TTN: variants seen among roughly 807,000 people sequenced by gnomAD.
TTN encodes connectin.
TTN carries 1,525 observed loss-of-function variants against 3,223.0 expected under a neutral mutation model. The ratio of observed to expected loss-of-function variants is 0.47; its 90% confidence interval spans 0.45 to 0.49. The LOEUF is 0.49. TTN is among the 20% of genes least tolerant of loss of function. The probability of loss-of-function intolerance (pLI) is 0.00; values close to 1 mark genes in which losing one functional copy is unlikely to be tolerated. For missense variants in TTN, 40,786 were observed against 43,424.0 expected, an observed-to-expected ratio of 0.94 and a Z score of 5.40; for synonymous variants, 14,094 against 15,161.0, an observed-to-expected ratio of 0.93 and a Z score of 5.17.
In TTN at chr2:178,577,099, T is replaced by G; in HGVS notation, c.69236A>C (p.Lys23079Thr). 1 of 1,613,344 alleles carries G rather than the reference T, an allele frequency of 6.2e-7. No individual in the cohort carries two copies. Among genetic ancestry groups the G allele is most frequent in the Non-Finnish European group, 8.5e-7 (1 of 1,179,558 alleles). Residue 23079 changes from lysine (K) to threonine (T), a missense_variant, in exon 324 of 363, where the codon AAG becomes ACG. Transcript: ENST00000589042. ...GSPIKSYILE[K>T]RETSRLLWTV... ...CCACAAAAGTCGGCTGGTTTCTCTC[T>G]TTTCAAGTATATAGGACTTAATTGG...
In TTN at chr2:178,578,184, C is replaced by A. The variant is rs1438305738; in HGVS notation, c.68331G>T (p.Gly22777=). 6.2e-7 allele frequency: 1 copy of A among 1,610,332 alleles called. No individual in the cohort carries two copies. Among genetic ancestry groups the A allele is most frequent in the South Asian group, 1.1e-5 (1 of 90,800 alleles). The change falls in exon 322 of 363, where the codon GGG becomes GGT. Residue 22777 remains glycine, a splice_region_variant and synonymous_variant. Transcript: ENST00000589042. Reference sequence around the variant, plus strand: ...TTCTTTCCTTGAACTCGAGATGATACCCTACAAAAGACCCAGGGATGTATC... The same window carrying A: ...TTCTTTCCTTGAACTCGAGATGATAACCTACAAAAGACCCAGGGATGTATC... ...PKKTGGSPIT[G]YHLEFKERNS...
In TTN at chr2:178,728,391, T is replaced by C. The variant is rs775984790; in HGVS notation, c.19433A>G (p.Asn6478Ser). Residue 6478 changes from asparagine (N) to serine (S), a missense_variant, in exon 67 of 363, where the codon AAT becomes AGT. Coordinates refer to ENST00000589042, the MANE Select transcript of TTN (RefSeq NM_001267550.2). ...CDAYLRVLDQ[N>S]IPPSFTKKLT... ...TTTTTTGGTGAATGATGGAGGAATA[T>C]TTTGATCTGTCCAATGCAAACAGCA... The C allele has an allele frequency of 1.8e-5, 29 of 1,599,310 alleles. No individual in the cohort carries two copies. In the South Asian group the frequency reaches 2.8e-4, roughly 16 times the overall value.
At chr2:178,806,994 C>A (rs1410085264) in intron 1 of TTN, among the ~76,000 whole-genome samples, 1 of 152,154 alleles carries the variant, frequency 6.6e-6, no homozygotes, top group Non-Finnish European at 1.5e-5. Flanking sequence ...ATCATGGAAT[C>A]ATTTAGCTGA....
chr2:178,679,870 C>T (rs777197446), intron 140 of TTN, 24 bp downstream of exon 140: 7 of 1,611,220 alleles, frequency 4.3e-6, no homozygotes, highest in Non-Finnish European at 5.9e-6. Context: ...TGTTGCACAG[C>T]CCTTTGCAGG....
chr2:178,783,447 T>C (rs1467165376), intron 17 of TTN, among the ~76,000 whole-genome samples: 2 of 152,328 alleles, frequency 1.3e-5, no homozygotes, highest in South Asian at 2.1e-4. Context: ...TTGGTCTTTA[T>C]GTCTGCACAG....
chr2:178,637,557 T>C lies in TTN; in HGVS notation c.40877-138A>G, dbSNP rs1576763586. The C allele has an allele frequency of 1.2e-5, 5 of 416,014 alleles. No homozygotes were observed. The East Asian group carries it at 1.9e-4, about 16-fold the overall frequency. The allele number at this position is 416,014 out of a possible 1,614,324, so 25.8% of individuals were successfully genotyped here. On this transcript the variant is annotated intron_variant, in intron 223 of 362. Transcript: ENST00000589042. ...AAATTGGTTTCATTTATATGACTTCTATGGATAATCACATTTCCAGGAAGG... is the reference window on the plus strand; with the variant it reads ...AAATTGGTTTCATTTATATGACTTCCATGGATAATCACATTTCCAGGAAGG...
rs1019848168 is a variant in TTN, at chr2:178,718,712, G to A, written c.24488C>T (p.Thr8163Ile). Residue 8163 changes from threonine to isoleucine, a missense_variant, in exon 84 of 363, where the codon ACA (threonine) becomes ATA (isoleucine). Coordinates refer to ENST00000589042, the MANE Select transcript of TTN (RefSeq NM_001267550.2). Reference sequence around the variant, plus strand: ...GAGCAAACCTTTCACAAAAAGATGTGTGGTACAGGAAGCACTGCCAGCATC... The same window carrying A: ...GAGCAAACCTTTCACAAAAAGATGTATGGTACAGGAAGCACTGCCAGCATC... Reference protein sequence around the residue: ...TNDAGSASCTTHLFVKEPATF... With the variant: ...TNDAGSASCTIHLFVKEPATF... The A allele has an allele frequency of 1.2e-6, 2 of 1,613,566 alleles. No homozygotes were observed. The highest frequency in any genetic ancestry group is 2.7e-5 in the African/African-American group (2 of 74,916).
intron 263 of TTN, 135 bp from the exon 264 acceptor site, chr2:178,613,411 A>G (rs1350659889): frequency 5.1e-6 from 4 of 782,770 alleles, no homozygotes; most frequent in East Asian, 2.8e-5. Flanking sequence ...AAGCACTTCA[A>G]TATAAATTAA....
In TTN at chr2:178,632,563, A is replaced by G. The variant is rs1435071530; in HGVS notation, c.43443T>C (p.Ala14481=). 3.7e-6 allele frequency: 6 copies of G among 1,613,266 alleles called. No homozygotes were observed. The highest frequency in any genetic ancestry group is 5.1e-6 in the Non-Finnish European group (6 of 1,179,572). The change falls in exon 235 of 363, where the codon GCT becomes GCC. Residue 14481 remains alanine (A), a synonymous_variant. Transcript: ENST00000589042. ...GTTTGCCACTTGTGTGCTTATCTTCAGCTTCAAACATGTATTTTGCTTCAT... is the reference window on the plus strand; with the variant it reads ...GTTTGCCACTTGTGTGCTTATCTTCGGCTTCAAACATGTATTTTGCTTCAT... ...FEDEAKYMFE[A]EDKHTSGKLI...
chr2:178,722,575 G>A (rs1244106343), intron 76 of TTN, 29 bp from the exon 77 acceptor site: 2 of 1,594,748 alleles, frequency 1.3e-6, no homozygotes, highest in East Asian at 2.2e-5. Context: ...TACTTAAGGT[G>A]TTAGGAGATG....
Position 178,534,999 on chromosome 2 carries a change from A to C in TTN, c.101616T>G (p.His33872Gln), listed in dbSNP as rs1275685669. The C allele has an allele frequency of 6.2e-7, 1 of 1,613,786 alleles. No homozygotes were observed. The highest frequency in any genetic ancestry group is 1.7e-5 in the Admixed American group (1 of 60,004). The change falls in exon 358 of 363, where the codon CAT (histidine) becomes CAG (glutamine). Residue 33872 changes from histidine (H) to glutamine (Q), a missense_variant. By Grantham distance (24) the His-to-Gln change is conservative (BLOSUM62 0). Coordinates refer to ENST00000589042, the MANE Select transcript of TTN (RefSeq NM_001267550.2). ...KEISILNIAR[H>Q]RNILHLHESF... ...ATTCATGGAGGTGTAAGATGTTTCTATGCCTAGCAATATTCAGAATGGAAA... is the reference window on the plus strand; with the variant it reads ...ATTCATGGAGGTGTAAGATGTTTCTCTGCCTAGCAATATTCAGAATGGAAA...
rs890232785 is a variant in TTN at position 178,594,386 on chromosome 2, G to T, written c.58108C>A (p.Pro19370Thr). The change falls in exon 296 of 363, where the codon CCA becomes ACA. Residue 19370 changes from proline (P) to threonine (T), a missense_variant. Coordinates refer to ENST00000589042, the MANE Select transcript of TTN (RefSeq NM_001267550.2). ...SAVNIVGQGK[P>T]SFCTKPITCK... is the part of the protein sequence containing the mutation. ...GTAATTGGTTTGGTGCAAAATGATG[G>T]TTTGCCTTGTCCAACAATGTTGACA... 6.2e-7 allele frequency: 1 copy of T among 1,602,886 alleles called. No individual in the cohort carries two copies. Among genetic ancestry groups the T allele is most frequent in the African/African-American group, 1.3e-5 (1 of 74,582 alleles).
chr2:178,566,423 C>T lies in TTN; in HGVS notation c.79709G>A (p.Gly26570Asp). The change falls in exon 326 of 363, where the codon GGT becomes GAT. Residue 26570 changes from glycine to aspartate, a missense_variant. By Grantham distance (94) the Gly-to-Asp change is moderately conservative. Coordinates refer to ENST00000589042, the MANE Select transcript of TTN (RefSeq NM_001267550.2). ...AGGAACTGATGTAGCCTCACCTAAA[C>T]CAACTTTGTTGAGGGCACAGACTCG... ...KIRVCALNKVGLGEATSVPGT... is the reference protein window; with the variant it reads ...KIRVCALNKVDLGEATSVPGT... The T allele has an allele frequency of 6.2e-7, 1 of 1,613,486 alleles. No individual in the cohort carries two copies. Among genetic ancestry groups the T allele is most frequent in the Non-Finnish European group, 8.5e-7 (1 of 1,179,694 alleles).
Position 178,688,697 on chromosome 2 carries a change from A to G in TTN, c.32177T>C (p.Val10726Ala). Residue 10726 changes from valine (V) to alanine (A), a missense_variant, in exon 126 of 363, where the codon GTG becomes GCG. By Grantham distance (64) the Val-to-Ala change is moderately conservative (BLOSUM62 0). Coordinates refer to ENST00000589042, the MANE Select transcript of TTN (RefSeq NM_001267550.2). The stretch of plus-strand genomic sequence containing the variant: ...TATACCTTCGTGCCGCGTGACTTCC[A>G]CTCTTTGAGGAACTGCGAAGGATAG... ...EKLSFAVPQRVEVTRHEVSAE... is the reference protein window; with the variant it reads ...EKLSFAVPQRAEVTRHEVSAE... 6.2e-7 allele frequency: 1 copy of G among 1,613,464 alleles called. No individual in the cohort carries two copies. Among genetic ancestry groups the G allele is most frequent in the Non-Finnish European group, 8.5e-7 (1 of 1,179,496 alleles).
Position 178,741,289 on chromosome 2 carries a change from C to T in TTN, c.11944G>A (p.Val3982Ile), listed in dbSNP as rs1032555583. The change falls in exon 48 of 363, where the codon GTT becomes ATT. Residue 3982 changes from valine to isoleucine, a missense_variant. Val to Ile is a conservative substitution (Grantham distance 29). Coordinates refer to ENST00000589042, the MANE Select transcript of TTN (RefSeq NM_001267550.2). ...GGGTTATGAATGATAGTGTAATAAA[C>T]ACTGGTGCAAAGCTGCTTGTTTTCT... is the stretch of plus-strand genomic sequence containing the variant. ...FKENKQLCTS[V>I]YYTIIHNPNG... 3.7e-6 allele frequency: 6 copies of T among 1,613,888 alleles called. No individual in the cohort carries two copies. The highest frequency in any genetic ancestry group is 5.1e-6 in the Non-Finnish European group (6 of 1,179,828).
rs1208499717 is a variant in TTN at position 178,561,146 on chromosome 2, G to T, written c.84986C>A (p.Ala28329Glu). Residue 28329 changes from alanine to glutamate, a missense_variant, in exon 326 of 363, where the codon GCA becomes GAA. By Grantham distance (107) the Ala-to-Glu change is moderately radical. Coordinates refer to ENST00000589042, the MANE Select transcript of TTN (RefSeq NM_001267550.2). ...EDQRYEFRVF[A>E]RNAADSVSEP... Reference sequence around the variant, plus strand: ...ACTAACTGAGTCAGCAGCATTCCTTGCAAAAACCCGGAATTCATAACGCTG... The same window carrying T: ...ACTAACTGAGTCAGCAGCATTCCTTTCAAAAACCCGGAATTCATAACGCTG... 1.2e-6 allele frequency: 2 copies of T among 1,613,714 alleles called. No individual in the cohort carries two copies. The highest frequency in any genetic ancestry group is 4.5e-5 in the East Asian group (2 of 44,840).
At chr2:178,792,600 GA>G (rs1229779506) in intron 9 of TTN, among the ~76,000 whole-genome samples, 7 of 152,222 alleles carry the variant, frequency 4.6e-5, no homozygotes, top group Non-Finnish European at 8.8e-5. Context: ...TTACATGTGA[GA>G]AATCAAGCAT....
Position 178,734,561 on chromosome 2 carries a change from C to T in TTN, c.15263G>A (p.Arg5088Lys), listed in dbSNP as rs766300782. 1.3e-6 allele frequency: 2 copies of T among 1,595,888 alleles called. No individual in the cohort carries two copies. The highest frequency in any genetic ancestry group is 2.3e-5 in the South Asian group (2 of 87,792). Reference sequence around the variant, plus strand: ...ACACTGAAGTAGAGCATTTGTTCCTCTCACTATGTCTGCAGGCTCAAGAGT... The same window carrying T: ...ACACTGAAGTAGAGCATTTGTTCCTTTCACTATGTCTGCAGGCTCAAGAGT... ...IKTLEPADIV[R>K]GTNALLQCEV... is the part of the protein sequence containing the mutation. The change falls in exon 52 of 363, where the codon AGA becomes AAA. Residue 5088 changes from arginine (R) to lysine (K), a missense_variant. Coordinates refer to ENST00000589042, the MANE Select transcript of TTN (RefSeq NM_001267550.2).
rs1430420761 is a variant in TTN, at chr2:178,740,338, C to G, written c.12895G>C (p.Glu4299Gln). The change falls in exon 48 of 363, where the codon GAA becomes CAA. Residue 4299 changes from glutamate (E) to glutamine (Q), a missense_variant. Glu to Gln is a conservative substitution (Grantham distance 29). Coordinates refer to ENST00000589042, the MANE Select transcript of TTN (RefSeq NM_001267550.2). ...PLVPSEHSCT[E>Q]GGKILIESAN... ...CTTTCTATCAAAATTTTACCTCCTTCTGTGCATGAGTGTTCTGAAGGGACT... is the reference window on the plus strand; with the variant it reads ...CTTTCTATCAAAATTTTACCTCCTTGTGTGCATGAGTGTTCTGAAGGGACT... The G allele has an allele frequency of 1.2e-6, 2 of 1,613,752 alleles. No individual in the cohort carries two copies. Among genetic ancestry groups the G allele is most frequent in the East Asian group, 2.2e-5 (1 of 44,802 alleles).
Sources: gnomAD v4.1 joint callset for allele counts (sites outside exome capture counted in the v4.1 genomes callset) on GRCh38, gnomAD v4.1.1 for gene constraint, MANE v1.5 for transcripts, NCBI Gene and HGNC (gene_info 2026-07-23, HGNC 2026-07-21) for gene names.